MS4A7: variants seen among roughly 807,000 people sequenced by gnomAD.
MS4A7 encodes membrane spanning 4-domains A7, also known as membrane-spanning 4-domains subfamily A member 7.
A neutral mutation model predicts 23.5 loss-of-function variants in MS4A7; 21 were observed. That is an observed-to-expected ratio of 0.89 (90% CI 0.63 to 1.29). The LOEUF (loss-of-function observed/expected upper bound fraction) is 1.29. MS4A7 is among the 50% of genes most tolerant of loss of function. MS4A7 has a pLI of 0.00. For synonymous variants in MS4A7, 111 were observed against 107.4 expected, an observed-to-expected ratio of 1.03 and a Z score of -0.21; for missense variants, 263 against 274.2, an observed-to-expected ratio of 0.96 and a Z score of 0.29.
At position 60,389,401 on chromosome 11, in the gene MS4A7, C is replaced by T; in HGVS notation, c.351C>T (p.Ser117=). 6.2e-7 allele frequency: 1 copy of T among 1,611,418 alleles called. No homozygotes were observed. Among genetic ancestry groups the T allele is most frequent in the Non-Finnish European group, 8.5e-7 (1 of 1,178,666 alleles). ...KQSTKPFDLS[S]LTSNAVSSVT... ...AGTTTCTCTTCCAGGACCTGAGCAG[C>T]TTGACCTCAAATGCAGTGAGTTCTG... is the stretch of plus-strand genomic sequence containing the variant. The change falls in exon 5 of 7, where the codon AGC becomes AGT. Residue 117 remains serine, a synonymous_variant. Transcript: ENST00000300184.
chr11:60,392,443 A>G (rs935035499), intron 5 of MS4A7, among the ~76,000 whole-genome samples: 6 of 152,362 alleles, frequency 3.9e-5, no homozygotes, highest in Non-Finnish European at 7.3e-5. Context: ...GCAACCAGAG[A>G]TAAGTGGCAG....
intron 2 of MS4A7, 97 bp downstream of exon 2, chr11:60,383,385 T>C: frequency 4.2e-6 from 6 of 1,418,186 alleles, no homozygotes; most frequent in Non-Finnish European, 5.7e-6. Context: ...TCTTTCACTC[T>C]TTTCTGGCTG....
chr11:60,391,963 AAAG>A (rs2085557333), intron 5 of MS4A7, among the ~76,000 whole-genome samples: 1 of 151,890 alleles, frequency 6.6e-6, no homozygotes, highest in Non-Finnish European at 1.5e-5. Flanking sequence ...AAAAAAAAAA[AAAG>A]GACAGTAAAG....
rs141942185 is a variant in MS4A7 at position 60,384,558 on chromosome 11, A to G, written c.148-530A>G. ...TCTCCTATGTTTGCATCATCTTTCA[A>G]TTGCACATGCATTAAACTATGAGCA... On this transcript the variant is annotated intron_variant, in intron 2 of 6. Transcript: ENST00000300184. 3.8e-3 allele frequency among the ~76,000 whole-genome samples: 585 copies of G among 152,346 alleles called. 4 individuals are homozygous for G. The highest frequency in any genetic ancestry group is 0.013 in the African/African-American group (540 of 41,576).
intron 4 of MS4A7, among the ~76,000 whole-genome samples, chr11:60,388,712 T>C (rs1480951826): frequency 6.6e-6 from 1 of 152,208 alleles, no homozygotes; most frequent in Non-Finnish European, 1.5e-5. Context: ...GTGGGAAAAG[T>C]GGCTACAGTC....
intron 1 of MS4A7, 137 bp from the exon 2 acceptor site, chr11:60,382,992 T>A (rs1164715061): frequency 1.1e-6 from 1 of 875,738 alleles, no homozygotes; most frequent in Non-Finnish European, 1.8e-6. Flanking sequence ...CTGATCCCCA[T>A]GTTTTGTTTC....
At chr11:60,392,107 AAATGGAATTT>A (rs2085559263) in intron 5 of MS4A7, among the ~76,000 whole-genome samples, 1 of 152,172 alleles carries the variant, frequency 6.6e-6, no homozygotes, top group Admixed American at 6.5e-5. Context: ...ACAAAGAGTG[AAATGGAATTT>A]AGATTTGATT....
intron 5 of MS4A7, 44 bp from the exon 6 acceptor site, chr11:60,392,641 G>C: frequency 6.7e-7 from 1 of 1,497,438 alleles, no homozygotes; most frequent in South Asian, 1.1e-5. Flanking sequence ...AGGCACAAGG[G>C]CTAGCTTGTC....
At position 60,389,416 on chromosome 11, in the gene MS4A7, A is replaced by G. The variant is rs763484217; in HGVS notation, c.366A>G (p.Ala122=). ...ACCTGAGCAGCTTGACCTCAAATGC[A>G]GTGAGTTCTGTTACTGCAGGAGCAG... The part of the protein sequence containing the change: ...PFDLSSLTSN[A]VSSVTAGAGL... Residue 122 remains alanine, a synonymous_variant, in exon 5 of 7, where the codon GCA becomes GCG. Coordinates refer to ENST00000300184, the MANE Select transcript of MS4A7 (RefSeq NM_021201.5). 2 of 1,613,368 alleles carry G rather than the reference A, an allele frequency of 1.2e-6. No homozygotes were observed. The highest frequency in any genetic ancestry group is 1.7e-6 in the Non-Finnish European group (2 of 1,179,600).
chr11:60,389,486 T>C lies in MS4A7; in HGVS notation c.436T>C (p.Ser146Pro). 6.2e-7 allele frequency: 1 copy of C among 1,614,048 alleles called. No homozygotes were observed. Among genetic ancestry groups the C allele is most frequent in the Non-Finnish European group, 8.5e-7 (1 of 1,179,902 alleles). ...ADSMVALRTASQHCGSEMDYL... is the reference protein window; with the variant it reads ...ADSMVALRTAPQHCGSEMDYL... Reference sequence around the variant, plus strand: ...CAGCATGGTAGCCCTGAGGACTGCCTCTCAACATTGTGGCTCAGAAATGGA... The same window carrying C: ...CAGCATGGTAGCCCTGAGGACTGCCCCTCAACATTGTGGCTCAGAAATGGA... The change falls in exon 5 of 7, where the codon TCT (serine) becomes CCT (proline). Residue 146 changes from serine (S) to proline (P), a missense_variant. Physicochemically the swap from Ser to Pro is moderately conservative, Grantham distance 74. Coordinates refer to ENST00000300184, the MANE Select transcript of MS4A7 (RefSeq NM_021201.5).
At chr11:60,382,004 C>T (rs952093180) in intron 1 of MS4A7, among the ~76,000 whole-genome samples, 4 of 152,232 alleles carry the variant, frequency 2.6e-5, no homozygotes, top group Admixed American at 1.3e-4. Context: ...AGCACCAACA[C>T]ATTGAGGCAA....
At chr11:60,383,661 T>G (rs2085453440) in intron 2 of MS4A7, 1 of 154,312 alleles carries the variant, frequency 6.5e-6, no homozygotes, top group Non-Finnish European at 1.4e-5. Context: ...TGCCTCAGCC[T>G]CCCGAGTAGC....
intron 3 of MS4A7, 79 bp from the exon 4 acceptor site, chr11:60,386,638 G>T: frequency 1.7e-6 from 2 of 1,193,808 alleles, no homozygotes; most frequent in Admixed American, 1.9e-5. Flanking sequence ...ATCACTTTTT[G>T]ATTGAGTGAT....
chr11:60,388,815 G>T (rs116211876), intron 4 of MS4A7, among the ~76,000 whole-genome samples: 1 of 152,166 alleles, frequency 6.6e-6, no homozygotes, highest in Admixed American at 6.5e-5. Context: ...TAGGAAAATC[G>T]AAGGCATATG....
chr11:60,385,361 C>A, intron 3 of MS4A7, 139 bp downstream of exon 3: 2 of 873,314 alleles, frequency 2.3e-6, no homozygotes, highest in Non-Finnish European at 3.6e-6. Context: ...CATTGCCCCA[C>A]GTCACATTTC....
At chr11:60,391,439 A>G (rs1008907221) in intron 5 of MS4A7, among the ~76,000 whole-genome samples, 19 of 152,178 alleles carry the variant, frequency 1.2e-4, no homozygotes, top group African/African-American at 4.6e-4. Context: ...CACTACCACC[A>G]TCTACAAACT....
At chr11:60,385,491 A>G (rs1485755191) in intron 3 of MS4A7, among the ~76,000 whole-genome samples, 1 of 152,212 alleles carries the variant, frequency 6.6e-6, no homozygotes, top group Non-Finnish European at 1.5e-5. Context: ...ATTACAGCAT[A>G]CCTCTAGAAA....
chr11:60,385,247 G>C (rs1423218632), intron 3 of MS4A7, 25 bp downstream of exon 3: 1 of 1,613,502 alleles, frequency 6.2e-7, no homozygotes, highest in Non-Finnish European at 8.5e-7. Flanking sequence ...GACTCTAAGA[G>C]GGGACATGCT....
Position 60,395,078 on chromosome 11 carries a change from AT to A in MS4A7, c.*1219del. Reference sequence around the variant, plus strand: ...ATAATGTCTATTTCTTTGTTTGGGTATTAGCTCTATTTTGATCTATAGCACA... The same window carrying A: ...ATAATGTCTATTTCTTTGTTTGGGTATAGCTCTATTTTGATCTATAGCACA... On this transcript the variant is annotated 3_prime_UTR_variant, in exon 7 of 7. Transcript: ENST00000300184. 1 of 503,894 alleles carries A rather than the reference AT, an allele frequency of 2.0e-6. No individual in the cohort carries two copies. The highest frequency in any genetic ancestry group is 3.6e-6 in the Non-Finnish European group (1 of 277,886). 31.2% of individuals were successfully genotyped at this position (503,894 alleles called of 1,614,324 possible).
Sources: allele counts gnomAD v4.1 joint callset (sites outside exome capture counted in the v4.1 genomes callset), GRCh38; gene constraint gnomAD v4.1.1; transcripts MANE v1.5; gene names NCBI Gene and HGNC (gene_info 2026-07-23, HGNC 2026-07-21).